Variants in OGDH observed in about 807,000 individuals in gnomAD.
OGDH encodes oxoglutarate dehydrogenase, also known as 2-oxoglutarate dehydrogenase complex component E1.
A neutral mutation model predicts 116.6 loss-of-function variants in OGDH; 38 were observed. That is an observed-to-expected ratio of 0.33 (90% CI 0.25 to 0.43). The LOEUF (loss-of-function observed/expected upper bound fraction) is 0.43. Ranked by LOEUF, OGDH falls within the 20% of genes least tolerant of loss-of-function variation. OGDH has a pLI of 1.00. For synonymous variants in OGDH, 488 were observed against 533.3 expected, an observed-to-expected ratio of 0.92 and a Z score of 1.17; for missense variants, 825 against 1,357.2, an observed-to-expected ratio of 0.61 and a Z score of 6.16.
intron 5 of OGDH, among the ~76,000 whole-genome samples, chr7:44,669,587 C>A (rs549298181): frequency 6.6e-6 from 1 of 152,192 alleles, no homozygotes; most frequent in South Asian, 2.1e-4. Flanking sequence ...CATTGATGTC[C>A]CTATGGCTAA....
chr7:44,642,921 CA>C (rs1379033066), intron 2 of OGDH, among the ~76,000 whole-genome samples: 150 of 137,450 alleles, frequency 1.1e-3, no homozygotes, highest in Admixed American at 1.2e-3. Context: ...GACTCTGTCT[CA>C]AAAAAAAAAA....
chr7:44,707,587 G>T lies in OGDH; in HGVS notation c.2802G>T (p.Ser934=). The T allele has an allele frequency of 6.2e-7, 1 of 1,613,774 alleles. No individual in the cohort carries two copies. Among genetic ancestry groups the T allele is most frequent in the Non-Finnish European group, 8.5e-7 (1 of 1,180,006 alleles). The part of the protein sequence containing the change: ...QVAITRIEQL[S]PFPFDLLLKE... ...TGACCCCTGCTGTCTCCTAGCTGTC[G>T]CCATTCCCCTTTGACCTCCTGCTGA... The change falls in exon 22 of 23, where the codon TCG becomes TCT. Residue 934 remains serine, a synonymous_variant. Transcript: ENST00000222673. This position sits in a 1 kb window ranked among gnomAD's most constrained non-coding sequence, Gnocchi z 5.2.
Position 44,698,124 on chromosome 7 carries a change from G to C in OGDH, c.2359-68G>C, listed in dbSNP as rs1263170943. 7.7e-6 allele frequency: 12 copies of C among 1,549,648 alleles called. No individual in the cohort carries two copies. In the African/African-American group the frequency reaches 1.4e-4, roughly 18 times the overall value. ...AGAAATGAGCTAGTTGGTTGAGGAG[G>C]AACAGCAGATGCGGCAAATGTCAGT... On this transcript the variant is annotated intron_variant, in intron 17 of 22. Coordinates refer to ENST00000222673, the MANE Select transcript of OGDH (RefSeq NM_002541.4).
chr7:44,694,329 G>A lies in OGDH; in HGVS notation c.1516-95G>A, dbSNP rs906950946. The A allele has an allele frequency of 7.6e-6, 11 of 1,447,744 alleles. No individual in the cohort carries two copies. The highest frequency in any genetic ancestry group is 2.0e-5 in the Admixed American group (1 of 49,552). The allele number at this position is 1,447,744 out of a possible 1,614,324, so 89.7% of individuals were successfully genotyped here. On this transcript the variant is annotated intron_variant, in intron 11 of 22. Transcript: ENST00000222673. This position sits in a 1 kb window ranked among gnomAD's most constrained non-coding sequence, Gnocchi z 4.2. The stretch of plus-strand genomic sequence containing the variant: ...GCAGGCATGAGGAATGAAGAACGTG[G>A]CCATCACCTAGGAGAGATGGGGCAG...
At chr7:44,704,768 T>G (rs1788988765) in intron 20 of OGDH, among the ~76,000 whole-genome samples, 1 of 152,110 alleles carries the variant, frequency 6.6e-6, no homozygotes, top group South Asian at 2.1e-4. Flanking sequence ...TGGAGTGCAT[T>G]AGTGCAATCT....
At chr7:44,634,171 C>G (rs1176021024) in intron 2 of OGDH, among the ~76,000 whole-genome samples, 1 of 152,236 alleles carries the variant, frequency 6.6e-6, no homozygotes, top group Non-Finnish European at 1.5e-5. Flanking sequence ...TCACTGGGCC[C>G]TGCCATCCTC....
chr7:44,614,876 G>A (rs539584031), intron 1 of OGDH, among the ~76,000 whole-genome samples: 223 of 135,288 alleles, frequency 1.6e-3, no homozygotes, highest in African/African-American at 6.1e-3. Flanking sequence ...TCGCTCTGTC[G>A]CCCAGGCTGG....
In OGDH at chr7:44,708,040, C is replaced by G; in HGVS notation, c.*41C>G. The G allele has an allele frequency of 6.3e-7, 1 of 1,592,574 alleles. No homozygotes were observed. Among genetic ancestry groups the G allele is most frequent in the Non-Finnish European group, 8.5e-7 (1 of 1,172,134 alleles). ...GCTTGGGCCACTGCCCTCTCCACAC[C>G]CATGACTGCCCCTTGCTTCTCAACT... On this transcript the variant is annotated 3_prime_UTR_variant, in exon 23 of 23. Coordinates refer to ENST00000222673, the MANE Select transcript of OGDH (RefSeq NM_002541.4).
chr7:44,668,193 C>G (rs1585323473), intron 5 of OGDH, among the ~76,000 whole-genome samples: 1 of 152,054 alleles, frequency 6.6e-6, no homozygotes, highest in African/African-American at 2.4e-5. Flanking sequence ...AGTCCCAGCA[C>G]TTTGGGAGGC....
chr7:44,613,386 A>C (rs1219532293), intron 1 of OGDH, among the ~76,000 whole-genome samples: 1 of 151,926 alleles, frequency 6.6e-6, no homozygotes, highest in African/African-American at 2.4e-5. Flanking sequence ...TTTGAGACGG[A>C]GTCTCACTCT....
chr7:44,679,831 A>C (rs1787853899), intron 9 of OGDH, among the ~76,000 whole-genome samples: 1 of 152,170 alleles, frequency 6.6e-6, no homozygotes. Context: ...CTTCACACTT[A>C]AGCTGCAACA....
chr7:44,652,401 C>T (rs1281181508), intron 4 of OGDH, among the ~76,000 whole-genome samples: 1 of 152,154 alleles, frequency 6.6e-6, no homozygotes, highest in Non-Finnish European at 1.5e-5. Flanking sequence ...TGAGCTACCG[C>T]ACCTGGCCAG....
chr7:44,633,795 C>T (rs983544858), intron 2 of OGDH, among the ~76,000 whole-genome samples: 43 of 152,316 alleles, frequency 2.8e-4, no homozygotes, highest in Admixed American at 1.0e-3. Context: ...ACAGGTGACC[C>T]CAGACTGTGG....
intron 12 of OGDH, among the ~76,000 whole-genome samples, chr7:44,695,007 G>A (rs1051981397): frequency 6.6e-6 from 1 of 152,182 alleles, no homozygotes; most frequent in Non-Finnish European, 1.5e-5. Context: ...CTATATCTGA[G>A]CATGGGAACA....
At chr7:44,651,773 C>T (rs1019266148) in intron 4 of OGDH, among the ~76,000 whole-genome samples, 1 of 152,024 alleles carries the variant, frequency 6.6e-6, no homozygotes, top group African/African-American at 2.4e-5. Flanking sequence ...TGTTGCCAGG[C>T]TGATCTCGTA....
chr7:44,662,745 A>G (rs1015441540), intron 4 of OGDH, among the ~76,000 whole-genome samples: 4 of 152,170 alleles, frequency 2.6e-5, no homozygotes, highest in African/African-American at 9.7e-5. Flanking sequence ...TACCGGCGTG[A>G]GCCACTGTGC....
intron 19 of OGDH, 98 bp downstream of exon 19, chr7:44,700,367 G>A: frequency 6.7e-7 from 1 of 1,482,204 alleles, no homozygotes; most frequent in South Asian, 1.3e-5. Flanking sequence ...GGGTTAGCTA[G>A]GTGGGCACCT....
At chr7:44,616,699 A>G (rs1585218830) in intron 1 of OGDH, among the ~76,000 whole-genome samples, 1 of 147,266 alleles carries the variant, frequency 6.8e-6, no homozygotes, top group Non-Finnish European at 1.5e-5. Context: ...ATATGTATAT[A>G]TATACACACA....
At chr7:44,623,578 A>G (rs1169828613) in intron 1 of OGDH, among the ~76,000 whole-genome samples, 1 of 152,222 alleles carries the variant, frequency 6.6e-6, no homozygotes, top group Admixed American at 6.5e-5. Context: ...TTTTATATAT[A>G]TGTAATATGT....
Sources: gnomAD v4.1 joint callset for allele counts (sites outside exome capture counted in the v4.1 genomes callset) on GRCh38, gnomAD v4.1.1 for gene constraint, Gnocchi (gnomAD v3.1) non-coding constraint, MANE v1.5 for transcripts, NCBI Gene and HGNC (gene_info 2026-07-23, HGNC 2026-07-21) for gene names.